The following LRPPRC variants were observed in gnomAD, a reference collection of about 807,000 sequenced individuals.
LRPPRC encodes leucine rich pentatricopeptide repeat containing.
LRPPRC carries 120 observed loss-of-function variants against 180.3 expected under a neutral mutation model. The observed-to-expected ratio is 0.67, with a 90% CI of 0.57 to 0.77. LRPPRC has a LOEUF of 0.77. Among genes scored for constraint, LRPPRC ranks in the 30% least tolerant of loss-of-function variants. LRPPRC has a pLI of 0.00. For synonymous variants in LRPPRC, 723 were observed against 600.0 expected (o/e 1.21, Z -3.00); for missense variants, 2,012 against 1,657.2 (o/e 1.21, Z -3.72).
rs72879109 is a variant in LRPPRC, at chr2:43,956,580, G to T, written c.1649+805C>A. 9.4e-3 allele frequency among the ~76,000 whole-genome samples: 1,400 copies of T among 149,406 alleles called. 24 individuals carry two copies. Among genetic ancestry groups the T allele is most frequent in the African/African-American group, 0.033 (1,319 of 40,482 alleles). On this transcript the variant is annotated intron_variant, in intron 14 of 37. Coordinates refer to ENST00000260665, the MANE Select transcript of LRPPRC (RefSeq NM_133259.4). ...TAGACACGGCAAAATATTAACAACT[G>T]GCAAATCTACACAAAGGGTATTACA...
At chr2:43,928,081 A>G (rs1671953583) in intron 25 of LRPPRC, among the ~76,000 whole-genome samples, 2 of 152,244 alleles carry the variant, frequency 1.3e-5, no homozygotes, top group South Asian at 2.1e-4. Context: ...TGCCACATAC[A>G]ATCTATCTAA....
intron 26 of LRPPRC, 135 bp from the exon 27 acceptor site, chr2:43,925,292 C>A: frequency 1.4e-6 from 1 of 706,784 alleles, no homozygotes; most frequent in Admixed American, 1.9e-5. Context: ...AGTTAATGGG[C>A]TGAGCACAAC....
chr2:43,931,855 T>C (rs1355493834), intron 25 of LRPPRC, among the ~76,000 whole-genome samples: 1 of 152,076 alleles, frequency 6.6e-6, no homozygotes, highest in Non-Finnish European at 1.5e-5. Flanking sequence ...ATTGATAGCA[T>C]TTGCATGGCT....
intron 34 of LRPPRC, among the ~76,000 whole-genome samples, chr2:43,896,958 A>G (rs1670709427): frequency 6.6e-6 from 1 of 152,208 alleles, no homozygotes; most frequent in South Asian, 2.1e-4. Flanking sequence ...GGAAAAATTA[A>G]ACTAATGCTT....
rs757709094 is a variant in LRPPRC, at chr2:43,948,113, C to T, written c.1920+9G>A. On this transcript the variant is annotated intron_variant, in intron 18 of 37. Transcript: ENST00000260665. ...CATTTTATCCAGTTGATTGCTATTT[C>T]ACACACACCTTAATCAATTCAGGAA... 6.5e-7 allele frequency: 1 copy of T among 1,535,222 alleles called. No individual in the cohort carries two copies. Among genetic ancestry groups the T allele is most frequent in the Non-Finnish European group, 9.0e-7 (1 of 1,109,072 alleles).
rs770320070 is a variant in LRPPRC, at chr2:43,976,156, G to T, written c.724C>A (p.His242Asn). The T allele has an allele frequency of 6.2e-7, 1 of 1,605,418 alleles. No homozygotes were observed. The highest frequency in any genetic ancestry group is 1.1e-5 in the South Asian group (1 of 90,838). Residue 242 changes from histidine (H) to asparagine (N), a missense_variant, in exon 6 of 38, where the codon CAT (histidine) becomes AAT (asparagine). Transcript: ENST00000260665. ...EAVFSALVTG[H>N]ARAGDMENAE... The stretch of plus-strand genomic sequence containing the variant: ...GTTGAACATTACCCAGCTCTGGCAT[G>T]CCCTGTCACAAGGGCACTGAATACT...
At chr2:43,936,855 A>G (rs941690262) in intron 23 of LRPPRC, among the ~76,000 whole-genome samples, 1 of 152,204 alleles carries the variant, frequency 6.6e-6, no homozygotes, top group African/African-American at 2.4e-5. Context: ...TAGAAGAGAA[A>G]TGGTACAGTA....
chr2:43,994,913 C>T (rs1370874245), intron 1 of LRPPRC, among the ~76,000 whole-genome samples: 1 of 152,236 alleles, frequency 6.6e-6, no homozygotes, highest in Non-Finnish European at 1.5e-5. Context: ...TCCCCAGATT[C>T]CAACAGAGTG....
intron 23 of LRPPRC, among the ~76,000 whole-genome samples, chr2:43,936,457 T>C (rs926262606): frequency 6.6e-6 from 1 of 152,236 alleles, no homozygotes; most frequent in Admixed American, 6.5e-5. Context: ...TGAAAATCTT[T>C]GTAGAGAATA....
rs891225391 is a variant in LRPPRC, at chr2:43,980,965, T to C, written c.347-1017A>G. ...ACACAGGTCTTTAAATGTACATAACTATAGTAATAATTAATACTTCTTTGG... is the reference window on the plus strand; with the variant it reads ...ACACAGGTCTTTAAATGTACATAACCATAGTAATAATTAATACTTCTTTGG... On this transcript the variant is annotated intron_variant, in intron 2 of 37. Transcript: ENST00000260665. Among the ~76,000 whole-genome samples the C allele has an allele frequency of 2.6e-4, 40 of 152,202 alleles. 1 individual carries two copies. The highest frequency in any genetic ancestry group is 8.7e-4 in the African/African-American group (36 of 41,438).
chr2:43,979,889 C>G lies in LRPPRC; in HGVS notation c.406G>C (p.Glu136Gln), dbSNP rs971841431. 2.5e-6 allele frequency: 4 copies of G among 1,613,216 alleles called. No individual in the cohort carries two copies. The African/African-American group carries it at 5.3e-5, about 22-fold the overall frequency. Residue 136 changes from glutamate to glutamine, a missense_variant, in exon 3 of 38, where the codon GAA (glutamate) becomes CAA (glutamine). Glu to Gln is a conservative substitution (Grantham distance 29). Transcript: ENST00000260665. ...LLRSCGSLLP[E>Q]LKLEERTEFA... ...TCTGTTCTCTCTTCAAGCTTTAGTT[C>G]AGGCAAGAGAGAACCACAACTACGT...
chr2:43,979,718 A>G, intron 3 of LRPPRC, 108 bp downstream of exon 3: 2 of 884,210 alleles, frequency 2.3e-6, no homozygotes, highest in South Asian at 2.9e-5. Context: ...TGAATCAAGT[A>G]GCCCTTCCAT....
In LRPPRC at chr2:43,918,044, G is replaced by A. The variant is rs1336865167; in HGVS notation, c.3129C>T (p.Cys1043=). 6.2e-7 allele frequency: 1 copy of A among 1,609,070 alleles called. No individual in the cohort carries two copies. Among genetic ancestry groups the A allele is most frequent in the Admixed American group, 1.7e-5 (1 of 59,302 alleles). Residue 1043 remains cysteine, a synonymous_variant, in exon 29 of 38, where the codon TGC becomes TGT. Coordinates refer to ENST00000260665, the MANE Select transcript of LRPPRC (RefSeq NM_133259.4). Reference sequence around the variant, plus strand: ...GCTTGCCTTTTTTTTGGTTCAATCGGCAGGCAATCAATATATCTTTCTGGA... The same window carrying A: ...GCTTGCCTTTTTTTTGGTTCAATCGACAGGCAATCAATATATCTTTCTGGA... ...PDFQKDILIA[C]RLNQKKGAYD...
In LRPPRC at chr2:43,941,714, T is replaced by G. The variant is rs534244188; in HGVS notation, c.2504+1973A>C. On this transcript the variant is annotated intron_variant, in intron 23 of 37. Coordinates refer to ENST00000260665, the MANE Select transcript of LRPPRC (RefSeq NM_133259.4). ...GTTTCTGCTGTTTTCTGTAATTTCA[T>G]AAATATAAAATTTCCTTTATCTTTT... Among the ~76,000 whole-genome samples, 270 of 151,970 alleles carry G rather than the reference T, an allele frequency of 1.8e-3. 1 individual carries two copies. Among genetic ancestry groups the G allele is most frequent in the Non-Finnish European group, 3.0e-3 (203 of 67,924 alleles).
chr2:43,970,540 T>G (rs1673758888), intron 11 of LRPPRC, among the ~76,000 whole-genome samples: 2 of 152,132 alleles, frequency 1.3e-5, no homozygotes, highest in Non-Finnish European at 2.9e-5. Context: ...TATAAATAGA[T>G]TCCAAACCTC....
At chr2:43,931,676 A>T (rs1007692950) in intron 25 of LRPPRC, among the ~76,000 whole-genome samples, 11 of 152,280 alleles carry the variant, frequency 7.2e-5, no homozygotes, top group African/African-American at 2.6e-4. Context: ...ATGCTATGTA[A>T]ATGACGGAGA....
intron 1 of LRPPRC, among the ~76,000 whole-genome samples, chr2:43,987,491 C>T (rs1174774472): frequency 1.3e-5 from 1 of 75,926 alleles, no homozygotes; most frequent in South Asian, 5.7e-4. Flanking sequence ...CCAGACTCCT[C>T]AAAAAAAAAA....
At chr2:43,995,689 G>A (rs1157684811) in intron 1 of LRPPRC, 110 bp downstream of exon 1, 1 of 1,085,998 alleles carries the variant, frequency 9.2e-7, no homozygotes, top group Non-Finnish European at 1.2e-6. Flanking sequence ...TAGGTCCTGG[G>A]GCGGGGAGAA....
At position 43,947,817 on chromosome 2, in the gene LRPPRC, C is replaced by T. The variant is rs771739658; in HGVS notation, c.1921-42G>A. The T allele has an allele frequency of 5.0e-5, 63 of 1,260,118 alleles. No individual in the cohort carries two copies. The East Asian group carries it at 5.1e-4, about 10-fold the overall frequency. The allele number at this position is 1,260,118 out of a possible 1,614,324, so 78.1% of individuals were successfully genotyped here. On this transcript the variant is annotated intron_variant, in intron 18 of 37. Coordinates refer to ENST00000260665, the MANE Select transcript of LRPPRC (RefSeq NM_133259.4). Reference sequence around the variant, plus strand: ...AATTAGCCCAGAATTAGAAAACACACGTAAAAATACATCAGCAAACATCAA... The same window carrying T: ...AATTAGCCCAGAATTAGAAAACACATGTAAAAATACATCAGCAAACATCAA...
Sources: allele counts gnomAD v4.1 joint callset (sites outside exome capture counted in the v4.1 genomes callset), GRCh38; gene constraint gnomAD v4.1.1; transcripts MANE v1.5; gene names NCBI Gene and HGNC (gene_info 2026-07-23, HGNC 2026-07-21).